The following OXR1 variants were observed in gnomAD, a reference collection of about 807,000 sequenced individuals.
The protein encoded by OXR1 is oxidation resistance protein 1.
A neutral mutation model predicts 104.6 loss-of-function variants in OXR1; 41 were observed. That is an observed-to-expected ratio of 0.39 (90% CI 0.31 to 0.51). The LOEUF (loss-of-function observed/expected upper bound fraction) is 0.51. Among genes scored for constraint, OXR1 ranks in the 20% least tolerant of loss-of-function variants. OXR1 has a pLI of 0.77. For missense variants in OXR1, 955 were observed against 1,031.9 expected (o/e 0.93, Z 1.02); for synonymous variants, 348 against 348.4 (o/e 1.00, Z 0.01).
At chr8:106,567,876 T>A (rs771551298) in intron 3 of OXR1, among the ~76,000 whole-genome samples, 6 of 152,206 alleles carry the variant, frequency 3.9e-5, no homozygotes, top group Non-Finnish European at 8.8e-5. Context: ...CATCATTGAA[T>A]AATTTACTAA....
At chr8:106,536,263 T>C (rs184791728) in intron 3 of OXR1, among the ~76,000 whole-genome samples, 1 of 149,676 alleles carries the variant, frequency 6.7e-6, no homozygotes, top group Non-Finnish European at 1.5e-5. Context: ...AGAAAACAAA[T>C]TTTCAAAAAT....
At chr8:106,678,043 C>T (rs1266625973) in intron 3 of OXR1, among the ~76,000 whole-genome samples, 1 of 152,064 alleles carries the variant, frequency 6.6e-6, no homozygotes, top group African/African-American at 2.4e-5. Flanking sequence ...TAACTTAACA[C>T]TGTGTCAGAT....
At chr8:106,587,143 G>A (rs1474854434) in intron 3 of OXR1, among the ~76,000 whole-genome samples, 4 of 152,138 alleles carry the variant, frequency 2.6e-5, no homozygotes, top group African/African-American at 9.7e-5. Flanking sequence ...TTTCAAGATT[G>A]TCTCTGAATA....
chr8:106,472,105 A>G (rs766865690), intron 2 of OXR1, among the ~76,000 whole-genome samples: 1 of 151,780 alleles, frequency 6.6e-6, no homozygotes, highest in Admixed American at 6.6e-5. Flanking sequence ...GTCTTTCCTT[A>G]TCATCCATGA....
chr8:106,475,065 C>T lies in OXR1; in HGVS notation c.24-43878C>T, dbSNP rs79564092. On this transcript the variant is annotated intron_variant, in intron 2 of 16. Transcript: ENST00000517566. ...CTACCTCATAGGATTTCTGTAAAAT[C>T]AAATGAGTTAACATAGGTGACTCTT... Among the ~76,000 whole-genome samples the T allele has an allele frequency of 2.5e-3, 380 of 151,928 alleles. 3 individuals are homozygous for T. Among genetic ancestry groups the T allele is most frequent in the African/African-American group, 8.7e-3 (361 of 41,512 alleles).
At chr8:106,271,773 T>G (rs1398880859) in intron 1 of OXR1, 1 of 152,298 alleles carries the variant, frequency 6.6e-6, no homozygotes, top group Non-Finnish European at 1.5e-5. Flanking sequence ...ATCCCAAACC[T>G]GATGCGGGTC....
At chr8:106,438,777 G>A (rs559250692) in intron 2 of OXR1, among the ~76,000 whole-genome samples, 1 of 152,224 alleles carries the variant, frequency 6.6e-6, no homozygotes, top group East Asian at 1.9e-4. Flanking sequence ...ACATGTTGGT[G>A]CAGGACGATA....
chr8:106,487,339 C>CTTTTTT (rs71307062), intron 2 of OXR1, among the ~76,000 whole-genome samples: 7 of 129,206 alleles, frequency 5.4e-5, no homozygotes, highest in Admixed American at 8.1e-5. Flanking sequence ...CCAGGTATTT[C>CTTTTTT]TTTTTTTTTT....
intron 2 of OXR1, among the ~76,000 whole-genome samples, chr8:106,423,479 C>A (rs924804527): frequency 6.6e-6 from 1 of 152,028 alleles, no homozygotes; most frequent in Admixed American, 6.6e-5. Context: ...ACTCTAGAAG[C>A]AATTTGAAAA....
intron 3 of OXR1, among the ~76,000 whole-genome samples, chr8:106,613,774 T>TA (rs1290968158): frequency 6.6e-6 from 1 of 152,238 alleles, no homozygotes; most frequent in Non-Finnish European, 1.5e-5. Flanking sequence ...GAATTACTCT[T>TA]AAACACCTAC....
At chr8:106,408,741 C>T (rs549949201) in intron 2 of OXR1, among the ~76,000 whole-genome samples, 6 of 152,124 alleles carry the variant, frequency 3.9e-5, no homozygotes, top group Admixed American at 2.0e-4. Context: ...AGATCCTGGC[C>T]GACAGATGAA....
intron 2 of OXR1, among the ~76,000 whole-genome samples, chr8:106,515,747 T>G (rs1370309648): frequency 6.6e-6 from 1 of 152,144 alleles, no homozygotes. Flanking sequence ...TGAAAACACC[T>G]AAGATAAGAA....
At chr8:106,396,307 C>T (rs1172388806) in intron 2 of OXR1, among the ~76,000 whole-genome samples, 1 of 151,952 alleles carries the variant, frequency 6.6e-6, no homozygotes, top group Non-Finnish European at 1.5e-5. Flanking sequence ...ACCTGACACA[C>T]ACCGCCTGAG....
At chr8:106,542,516 T>C (rs180894162) in intron 3 of OXR1, among the ~76,000 whole-genome samples, 2 of 152,228 alleles carry the variant, frequency 1.3e-5, no homozygotes, top group East Asian at 3.9e-4. Flanking sequence ...TCCACCAACG[T>C]TTGTTAAGAA....
chr8:106,290,512 C>T (rs778594098), intron 1 of OXR1, among the ~76,000 whole-genome samples: 17 of 152,070 alleles, frequency 1.1e-4, no homozygotes, highest in Admixed American at 6.5e-4. Context: ...AAACAGACAA[C>T]CTATAGAATG....
chr8:106,742,367 AC>A, intron 15 of OXR1, 50 bp downstream of exon 15: 1 of 1,053,220 alleles, frequency 9.5e-7, no homozygotes, highest in African/African-American at 1.6e-5. Flanking sequence ...GACATAACAT[AC>A]TGCCCAAAGC....
chr8:106,490,531 T>C (rs1811013023), intron 2 of OXR1, among the ~76,000 whole-genome samples: 2 of 150,866 alleles, frequency 1.3e-5, no homozygotes, highest in African/African-American at 4.9e-5. Context: ...GCTAATTTTG[T>C]GTGTGCATAT....
At chr8:106,381,207 A>G (rs1817135565) in intron 2 of OXR1, among the ~76,000 whole-genome samples, 1 of 152,172 alleles carries the variant, frequency 6.6e-6, no homozygotes, top group Non-Finnish European at 1.5e-5. Flanking sequence ...AATGATCTTA[A>G]TTATTGGTGA....
chr8:106,454,963 T>A (rs548226599), intron 2 of OXR1, among the ~76,000 whole-genome samples: 3 of 152,338 alleles, frequency 2.0e-5, no homozygotes, highest in African/African-American at 7.2e-5. Context: ...ATTTTTAGTA[T>A]GCATGTTGAA....
Sources: gnomAD v4.1 joint callset for allele counts (sites outside exome capture counted in the v4.1 genomes callset) on GRCh38, gnomAD v4.1.1 for gene constraint, MANE v1.5 for transcripts, NCBI Gene and HGNC (gene_info 2026-07-23, HGNC 2026-07-21) for gene names.